The following RAB11FIP4 variants were observed in gnomAD, a reference collection of about 807,000 sequenced individuals.
The protein encoded by RAB11FIP4 is rab11 family-interacting protein 4.
In RAB11FIP4, 23 loss-of-function variants were observed where a neutral mutation model predicts 74.3. The ratio of observed to expected loss-of-function variants is 0.31; its 90% CI spans 0.22 to 0.44. The LOEUF is 0.44. RAB11FIP4 is among the 20% of genes least tolerant of loss of function. The pLI is 1.00. For missense variants in RAB11FIP4, 630 were observed against 863.9 expected (o/e 0.73, Z 3.39); for synonymous variants, 360 against 359.9 (o/e 1.00, Z 0.00).
intron 3 of RAB11FIP4, among the ~76,000 whole-genome samples, chr17:31,434,766 C>T (rs1336733673): frequency 1.3e-5 from 2 of 152,216 alleles, no homozygotes; most frequent in East Asian, 1.9e-4. Context: ...ATTAGCCACA[C>T]GGAAGAGATG....
intron 3 of RAB11FIP4, among the ~76,000 whole-genome samples, chr17:31,453,787 C>T (rs1485738788): frequency 2.5e-5 from 3 of 121,852 alleles, no homozygotes; most frequent in Non-Finnish European, 3.2e-5. Context: ...GCACAAGACT[C>T]GTCTCAAAAA....
intron 3 of RAB11FIP4, among the ~76,000 whole-genome samples, chr17:31,517,191 C>CCGGG (rs1249044714): frequency 2.3e-5 from 1 of 42,698 alleles, no homozygotes; most frequent in Non-Finnish European, 5.5e-5. Context: ...GGAGGCGGTG[C>CCGGG]GGGGGGGGGG....
At chr17:31,519,677 T>C (rs1384032263) in intron 4 of RAB11FIP4, among the ~76,000 whole-genome samples, 1 of 152,120 alleles carries the variant, frequency 6.6e-6, no homozygotes, top group East Asian at 1.9e-4. Context: ...ATTGACAACT[T>C]TTAATCATTT....
chr17:31,472,018 C>T (rs1163292085), intron 3 of RAB11FIP4, among the ~76,000 whole-genome samples: 2 of 152,024 alleles, frequency 1.3e-5, no homozygotes, highest in Non-Finnish European at 2.9e-5. Context: ...AAAAATTAGC[C>T]GGGCGTGGTG....
At chr17:31,463,711 G>T (rs922362453) in intron 3 of RAB11FIP4, among the ~76,000 whole-genome samples, 1 of 151,304 alleles carries the variant, frequency 6.6e-6, no homozygotes, top group Non-Finnish European at 1.5e-5. Context: ...CACCATGTTG[G>T]CCAGGCTGGT....
chr17:31,515,576 C>T (rs1485313004), intron 3 of RAB11FIP4, among the ~76,000 whole-genome samples: 3 of 152,026 alleles, frequency 2.0e-5, no homozygotes, highest in Non-Finnish European at 2.9e-5. Context: ...CCAGGCCTGT[C>T]GCTGAGCAGC....
intron 1 of RAB11FIP4, among the ~76,000 whole-genome samples, chr17:31,399,023 C>T (rs1017970330): frequency 1.3e-5 from 2 of 152,172 alleles, no homozygotes; most frequent in African/African-American, 2.4e-5. Flanking sequence ...GGGCAACCTT[C>T]GGCCGGCAGG....
At chr17:31,476,402 C>T (rs2071793464) in intron 3 of RAB11FIP4, among the ~76,000 whole-genome samples, 1 of 152,078 alleles carries the variant, frequency 6.6e-6, no homozygotes, top group South Asian at 2.1e-4. Flanking sequence ...CCAGGCTGGT[C>T]TCAAACTCCT....
intron 1 of RAB11FIP4, among the ~76,000 whole-genome samples, chr17:31,406,158 AG>A (rs1164728086): frequency 2.0e-5 from 3 of 152,216 alleles, no homozygotes; most frequent in East Asian, 3.8e-4. Flanking sequence ...AGAGGGCGGA[AG>A]GGGGGTTGTC....
chr17:31,397,141 G>A (rs2070938869), intron 1 of RAB11FIP4, among the ~76,000 whole-genome samples: 1 of 152,216 alleles, frequency 6.6e-6, no homozygotes, highest in South Asian at 2.1e-4. Flanking sequence ...CTCAGGAGTA[G>A]CAATTGGATA....
At chr17:31,400,026 G>A (rs1348292309) in intron 1 of RAB11FIP4, among the ~76,000 whole-genome samples, 10 of 150,896 alleles carry the variant, frequency 6.6e-5, no homozygotes, top group Non-Finnish European at 1.3e-4. Flanking sequence ...CTAGGCGACA[G>A]AGTGAGATTC....
At position 31,482,585 on chromosome 17, in the gene RAB11FIP4, TAAAAGAAAAA is replaced by T. The variant is rs1214174761; in HGVS notation, c.337-35051_337-35042del. Among the ~76,000 whole-genome samples the T allele has an allele frequency of 2.3e-4, 33 of 142,826 alleles. No homozygotes were observed. The South Asian group carries it at 6.0e-3, about 26-fold the overall frequency. 93.7% of individuals were successfully genotyped at this position (142,826 alleles called of 152,430 possible). On this transcript the variant is annotated intron_variant, in intron 3 of 14. Coordinates refer to ENST00000621161, the MANE Select transcript of RAB11FIP4 (RefSeq NM_032932.6). Reference sequence around the variant, plus strand: ...CAGCTTGGGCGACAGAGGGAGACTCTAAAAGAAAAAAAAAGAAAAAAAAAAGAAAAGAAAA... The same window carrying T: ...CAGCTTGGGCGACAGAGGGAGACTCTAAAAGAAAAAAAAAAGAAAAGAAAA...
At chr17:31,407,338 C>T (rs1159908575) in intron 1 of RAB11FIP4, among the ~76,000 whole-genome samples, 5 of 152,154 alleles carry the variant, frequency 3.3e-5, no homozygotes, top group South Asian at 2.1e-4. Context: ...CATGAGCCAT[C>T]GTGGCTGGCT....
intron 3 of RAB11FIP4, among the ~76,000 whole-genome samples, chr17:31,502,775 T>A (rs542881678): frequency 1.3e-5 from 2 of 152,268 alleles, no homozygotes; most frequent in East Asian, 3.9e-4. Context: ...GACCACAGAC[T>A]GCGTGGCGTA....
intron 3 of RAB11FIP4, among the ~76,000 whole-genome samples, chr17:31,445,574 ATATATTTTTTTTTTTTTTTT>A (rs2071453532): frequency 1.0e-4 from 1 of 10,036 alleles, no homozygotes; most frequent in African/African-American, 5.0e-4. Flanking sequence ...ATATATATAT[ATATATTTTTTTTTTTTTTTT>A]TTTTTTTTTG....
At chr17:31,402,637 T>TA (rs1555541189) in intron 1 of RAB11FIP4, among the ~76,000 whole-genome samples, 1 of 151,380 alleles carries the variant, frequency 6.6e-6, no homozygotes. Flanking sequence ...TTTATTTATT[T>TA]TTGAGACAGA....
intron 7 of RAB11FIP4, chr17:31,522,944 G>A (rs150271634): frequency 0.016 from 2,756 of 175,064 alleles, 37 homozygotes; most frequent in South Asian, 0.024. Flanking sequence ...GCTGGAAGGG[G>A]ATGTCACTGG....
chr17:31,414,866 C>CTGAG (rs1368174373), intron 1 of RAB11FIP4, among the ~76,000 whole-genome samples: 4 of 152,230 alleles, frequency 2.6e-5, no homozygotes, highest in African/African-American at 9.7e-5. Context: ...AACTTACATG[C>CTGAG]TGAGGCAAGT....
At chr17:31,439,365 C>T (rs973304959) in intron 3 of RAB11FIP4, among the ~76,000 whole-genome samples, 4 of 152,232 alleles carry the variant, frequency 2.6e-5, no homozygotes, top group Admixed American at 1.3e-4. Flanking sequence ...CCATGGCCTT[C>T]GCCAACCCCG....
Sources: gnomAD v4.1 joint callset for allele counts (sites outside exome capture counted in the v4.1 genomes callset) on GRCh38, gnomAD v4.1.1 for gene constraint, MANE v1.5 for transcripts, NCBI Gene and HGNC (gene_info 2026-07-23, HGNC 2026-07-21) for gene names.